The following NOB1 variants were observed in gnomAD, a reference collection of about 807,000 sequenced individuals.
NOB1 encodes the protein RNA-binding protein NOB1.
A neutral mutation model predicts 44.8 loss-of-function variants in NOB1; 44 were observed. The observed-to-expected ratio is 0.98, with a 90% CI of 0.77 to 1.26. The LOEUF (loss-of-function observed/expected upper bound fraction) is 1.26, where lower values mean the gene tolerates loss of function less well. NOB1 is among the 50% of genes most tolerant of loss of function. The pLI is 0.00. For synonymous variants in NOB1, 238 were observed against 218.7 expected (o/e 1.09, Z -0.78); for missense variants, 560 against 544.8 (o/e 1.03, Z -0.28).
intron 3 of NOB1, among the ~76,000 whole-genome samples, chr16:69,751,208 G>A (rs1423218355): frequency 2.6e-5 from 4 of 151,976 alleles, no homozygotes; most frequent in Non-Finnish European, 5.9e-5. Flanking sequence ...GCCTCAGACG[G>A]GGTTGCCCAG....
chr16:69,751,543 G>A (rs1385649046), intron 3 of NOB1, among the ~76,000 whole-genome samples: 1 of 151,798 alleles, frequency 6.6e-6, no homozygotes, highest in Non-Finnish European at 1.5e-5. Context: ...CTTGCCAATT[G>A]CAATGTATGA....
chr16:69,751,042 C>T (rs1229395583), intron 3 of NOB1, among the ~76,000 whole-genome samples: 3 of 152,096 alleles, frequency 2.0e-5, no homozygotes, highest in Admixed American at 6.6e-5. Flanking sequence ...AAGCAAGGTT[C>T]GAAAAAACAC....
Position 69,742,481 on chromosome 16 carries a change from G to C in NOB1, c.1090C>G (p.Pro364Ala), listed in dbSNP as rs773101833. 1.2e-6 allele frequency: 2 copies of C among 1,614,234 alleles called. No homozygotes were observed. The highest frequency in any genetic ancestry group is 2.2e-5 in the East Asian group (1 of 44,884). Residue 364 changes from proline to alanine, a missense_variant, in exon 9 of 9, where the codon CCT becomes GCT. Pro to Ala is a conservative substitution (Grantham distance 27). Transcript: ENST00000268802. ...GGTGACACCCCGGCGATGTAGTCAGGGGCGAACACGTTGGTTTTCTGCCTG... is the reference window on the plus strand; with the variant it reads ...GGTGACACCCCGGCGATGTAGTCAGCGGCGAACACGTTGGTTTTCTGCCTG... ...KARQKTNVFA[P>A]DYIAGVSPFV...
Position 69,742,466 on chromosome 16 carries a change from C to A in NOB1, c.1105G>T (p.Gly369Trp), listed in dbSNP as rs150459642. Residue 369 changes from glycine (G) to tryptophan (W), a missense_variant, in exon 9 of 9, where the codon GGG becomes TGG. Coordinates refer to ENST00000268802, the MANE Select transcript of NOB1 (RefSeq NM_014062.3). ...TCATTCTCGACAAAGGGTGACACCC[C>A]GGCGATGTAGTCAGGGGCGAACACG... ...TNVFAPDYIAGVSPFVENDIS... is the reference protein window; with the variant it reads ...TNVFAPDYIAWVSPFVENDIS... The A allele has an allele frequency of 1.2e-6, 2 of 1,614,196 alleles. No homozygotes were observed. Among genetic ancestry groups the A allele is most frequent in the East Asian group, 4.5e-5 (2 of 44,886 alleles).
rs373611985 is a variant in NOB1, at chr16:69,754,640, G to C, written c.150C>G (p.Pro50=). ...KATRRRLAVL[P]YELRFKEPLP... is the part of the protein sequence containing the mutation. ...AGGGCTCCTTGAACCGCAGCTCGTA[G>C]GGCAGGACAGCGAGCCGCCTGCGTG... Residue 50 remains proline (P), a synonymous_variant, in exon 2 of 9, where the codon CCC becomes CCG. Coordinates refer to ENST00000268802, the MANE Select transcript of NOB1 (RefSeq NM_014062.3). 4 of 1,614,094 alleles carry C rather than the reference G, an allele frequency of 2.5e-6. No individual in the cohort carries two copies. Among genetic ancestry groups the C allele is most frequent in the African/African-American group, 2.7e-5 (2 of 74,950 alleles).
rs774359564 is a variant in NOB1 at position 69,742,380 on chromosome 16, T to G, written c.1191A>C (p.Arg397Ser). 6.2e-7 allele frequency: 1 copy of G among 1,614,248 alleles called. No individual in the cohort carries two copies. Among genetic ancestry groups the G allele is most frequent in the Non-Finnish European group, 8.5e-7 (1 of 1,180,034 alleles). ...VRDSTLGAGR[R>S]RLNPNASRKK... ...TTCTGGAAGCGTTGGGATTTAAGCG[T>G]CTCCGCCCAGCTCCCAAGGTGCTGT... Residue 397 changes from arginine to serine, a missense_variant, in exon 9 of 9, where the codon AGA becomes AGC. Transcript: ENST00000268802.
At chr16:69,754,459 C>T (rs1204179732) in intron 2 of NOB1, 135 bp downstream of exon 2, 16 of 1,253,480 alleles carry the variant, frequency 1.3e-5, no homozygotes, top group African/African-American at 3.0e-5. Flanking sequence ...CTCTCTCCTA[C>T]CACAATCTCC....
intron 8 of NOB1, among the ~76,000 whole-genome samples, chr16:69,744,464 C>A (rs968757553): frequency 6.6e-6 from 1 of 152,200 alleles, no homozygotes; most frequent in African/African-American, 2.4e-5. Context: ...GCCACTCATT[C>A]GTCCTCCAAT....
chr16:69,753,409 G>T (rs1028932920), intron 2 of NOB1, among the ~76,000 whole-genome samples: 4 of 152,156 alleles, frequency 2.6e-5, no homozygotes, highest in Non-Finnish European at 5.9e-5. Context: ...ACAGAAAGAT[G>T]TCTCCTGCTA....
At chr16:69,748,027 C>T (rs745370125) in intron 7 of NOB1, among the ~76,000 whole-genome samples, 2 of 152,088 alleles carry the variant, frequency 1.3e-5, no homozygotes, top group Non-Finnish European at 2.9e-5. Flanking sequence ...TAGTCGGGTG[C>T]AGTGGTATGT....
intron 7 of NOB1, among the ~76,000 whole-genome samples, chr16:69,747,036 C>G (rs1391722773): frequency 6.6e-6 from 1 of 151,416 alleles, no homozygotes; most frequent in Non-Finnish European, 1.5e-5. Context: ...TCCTGGCTAA[C>G]ACGGTGAAAC....
rs1299758040 is a variant in NOB1 at position 69,749,345 on chromosome 16, T to G, written c.400-7A>C. Reference sequence around the variant, plus strand: ...TTTCTTGTGGGGGTTTAGGCTGAAATTAAAAGAAACAATTTTAAAACCTGA... The same window carrying G: ...TTTCTTGTGGGGGTTTAGGCTGAAAGTAAAAGAAACAATTTTAAAACCTGA... On this transcript the variant is annotated splice_polypyrimidine_tract_variant and splice_region_variant and intron_variant, in intron 4 of 8. Transcript: ENST00000268802. 1.9e-6 allele frequency: 3 copies of G among 1,579,852 alleles called. No individual in the cohort carries two copies. The East Asian group carries it at 6.7e-5, about 35-fold the overall frequency.
chr16:69,752,801 CG>C (rs111271634), intron 2 of NOB1, among the ~76,000 whole-genome samples: 4 of 151,524 alleles, frequency 2.6e-5, no homozygotes, highest in Admixed American at 6.6e-5. Flanking sequence ...GGTGTGGTAG[CG>C]GGGGGGCCTG....
chr16:69,745,344 A>G (rs548526175), intron 7 of NOB1, among the ~76,000 whole-genome samples: 1 of 152,254 alleles, frequency 6.6e-6, no homozygotes, highest in Admixed American at 6.5e-5. Context: ...CACCGTCTCC[A>G]TTTTACAGAT....
At chr16:69,743,362 AAAT>A (rs1448795279) in intron 8 of NOB1, among the ~76,000 whole-genome samples, 1 of 152,248 alleles carries the variant, frequency 6.6e-6, no homozygotes, top group Non-Finnish European at 1.5e-5. Flanking sequence ...GTTCAACGAG[AAAT>A]AATATATACA....
intron 7 of NOB1, among the ~76,000 whole-genome samples, chr16:69,747,275 G>C (rs2038441050): frequency 6.7e-6 from 1 of 150,210 alleles, no homozygotes; most frequent in Admixed American, 6.6e-5. Context: ...AGATGGCTCA[G>C]GCCTGTAATC....
intron 6 of NOB1, 101 bp from the exon 7 acceptor site, chr16:69,748,430 T>C (rs563365771): frequency 4.5e-6 from 5 of 1,109,614 alleles, no homozygotes; most frequent in Non-Finnish European, 6.5e-6. Flanking sequence ...CCATATTCCT[T>C]GGCTTTTGCG....
Position 69,749,211 on chromosome 16 carries a change from A to C in NOB1, c.525+2T>G. The C allele has an allele frequency of 6.2e-7, 1 of 1,612,948 alleles. No homozygotes were observed. Among genetic ancestry groups the C allele is most frequent in the South Asian group, 1.1e-5 (1 of 90,958 alleles). ...TCAGAAGACCAAAAGTCAAGGCCTC[A>C]CCAGCAGCTCCTGCAGTTCATGATC... On this transcript the variant is annotated splice_donor_variant, in intron 5 of 8. Transcript: ENST00000268802. LOFTEE classifies it high-confidence loss of function.
intron 8 of NOB1, 25 bp downstream of exon 8, chr16:69,744,848 G>A: frequency 6.2e-7 from 1 of 1,608,740 alleles, no homozygotes; most frequent in Non-Finnish European, 8.5e-7. Context: ...GGTGTTGGGA[G>A]GGGACTGGGA....
Sources: allele counts gnomAD v4.1 joint callset (sites outside exome capture counted in the v4.1 genomes callset), GRCh38; gene constraint gnomAD v4.1.1; transcripts MANE v1.5; gene names NCBI Gene and HGNC (gene_info 2026-07-23, HGNC 2026-07-21).